The following NFILZ variants were observed in gnomAD, a reference collection of about 807,000 sequenced individuals.
NFILZ encodes the protein NFIL3 like protein.
In NFILZ at chr19:8,658,664, T is replaced by TATTC. The variant is rs112446704; in HGVS notation, c.-163-15857_-163-15854dup. 8.7e-3 allele frequency among the ~76,000 whole-genome samples: 1,312 copies of TATTC among 151,092 alleles called. 11 individuals carry two copies. The highest frequency in any genetic ancestry group is 0.028 in the Middle Eastern group (8 of 288). The stretch of plus-strand genomic sequence containing the variant: ...AGAGTCTGGGGTGATGAGAGGATTC[T>TATTC]ATTCATTCATTCATTCATTCATTCA... On this transcript the variant is annotated intron_variant, in intron 3 of 5. Coordinates refer to ENST00000691075, the MANE Select transcript of NFILZ (RefSeq NM_001378600.1).
intron 3 of NFILZ, among the ~76,000 whole-genome samples, chr19:8,646,316 C>T (rs769707230): frequency 3.3e-5 from 5 of 152,166 alleles, no homozygotes; most frequent in Non-Finnish European, 5.9e-5. Flanking sequence ...GGATTACAGG[C>T]GTGAGGCACT....
In NFILZ at chr19:8,680,764, C is replaced by T. The variant is rs183941562; in HGVS notation, c.*3129C>T. ...TTGAAATAGGGGGATCTCAGCCTTG[C>T]TGAGAAAGTGACATTTGAACAGAGA... is the stretch of plus-strand genomic sequence containing the variant. On this transcript the variant is annotated 3_prime_UTR_variant, in exon 6 of 6. Transcript: ENST00000691075. 6.6e-6 allele frequency among the ~76,000 whole-genome samples: 1 copy of T among 152,188 alleles called. No individual in the cohort carries two copies. The highest frequency in any genetic ancestry group is 1.9e-4 in the East Asian group (1 of 5,174).
chr19:8,663,787 T>TGTGTGTGTGTATG (rs2043048906), intron 3 of NFILZ, among the ~76,000 whole-genome samples: 1 of 148,740 alleles, frequency 6.7e-6, no homozygotes, highest in African/African-American at 2.5e-5. Context: ...TGTGTGTTTG[T>TGTGTGTGTGTATG]TGTGGGGGGG....
At chr19:8,651,330 T>A (rs2042964022) in intron 3 of NFILZ, among the ~76,000 whole-genome samples, 1 of 151,840 alleles carries the variant, frequency 6.6e-6, no homozygotes, top group African/African-American at 2.4e-5. Flanking sequence ...CCCAGCTAAT[T>A]TTTGCATTTT....
At chr19:8,668,189 G>T (rs140280885) in intron 3 of NFILZ, among the ~76,000 whole-genome samples, 2,118 of 152,228 alleles carry the variant, frequency 0.014, 48 homozygotes, top group African/African-American at 0.048. Context: ...GGCCTCAAGT[G>T]ATCTGCCTGC....
chr19:8,654,823 C>T (rs1211165390), intron 3 of NFILZ, among the ~76,000 whole-genome samples: 1 of 152,124 alleles, frequency 6.6e-6, no homozygotes, highest in Non-Finnish European at 1.5e-5. Flanking sequence ...CACCTCAGGA[C>T]GTCTCCTTTT....
At chr19:8,647,067 G>C (rs907767033) in intron 3 of NFILZ, among the ~76,000 whole-genome samples, 7 of 152,170 alleles carry the variant, frequency 4.6e-5, no homozygotes, top group Non-Finnish European at 7.3e-5. Flanking sequence ...ATAAGTTTGG[G>C]TGAGGATCAG....
intron 3 of NFILZ, among the ~76,000 whole-genome samples, chr19:8,635,948 T>C (rs1183416268): frequency 1.3e-5 from 2 of 152,114 alleles, no homozygotes; most frequent in African/African-American, 4.8e-5. Flanking sequence ...GCTATTTTCC[T>C]GTCTCAGCCT....
chr19:8,656,405 CTCTCTGAAACCCA>C lies in NFILZ; in HGVS notation c.-163-18145_-163-18133del, dbSNP rs2042999334. 3.6e-3 allele frequency among the ~76,000 whole-genome samples: 362 copies of C among 100,954 alleles called. 7 individuals are homozygous for C. The highest frequency in any genetic ancestry group is 0.015 in the East Asian group (52 of 3,410). The allele number at this position is 100,954 out of a possible 152,430, so 66.2% of individuals were successfully genotyped here. On this transcript the variant is annotated intron_variant, in intron 3 of 5. Coordinates refer to ENST00000691075, the MANE Select transcript of NFILZ (RefSeq NM_001378600.1). Reference sequence around the variant, plus strand: ...CCCACCTTCTCCCGCAGCCCACCTTCTCTCTGAAACCCACCTCTTTCCGCAGCCCACCTTCTCC... The same window carrying C: ...CCCACCTTCTCCCGCAGCCCACCTTCCCTCTTTCCGCAGCCCACCTTCTCC...
At chr19:8,663,744 G>GCA (rs2043046319) in intron 3 of NFILZ, among the ~76,000 whole-genome samples, 19 of 121,822 alleles carry the variant, frequency 1.6e-4, no homozygotes, top group Admixed American at 7.9e-4. Flanking sequence ...GTGTGTGTGT[G>GCA]TGTGTGTGTG....
chr19:8,657,286 A>G (rs1390945244), intron 3 of NFILZ, among the ~76,000 whole-genome samples: 1 of 149,642 alleles, frequency 6.7e-6, no homozygotes, highest in Non-Finnish European at 1.5e-5. Context: ...TTTTTTTTGT[A>G]GAGAGGGGGG....
In NFILZ at chr19:8,679,902, A is replaced by G. The variant is rs576566036; in HGVS notation, c.*2267A>G. ...CTGGACTGTTTTATCTTCATAAATA[A>G]TGTGAATCCTGGAGGGCAAGGTGGC... On this transcript the variant is annotated 3_prime_UTR_variant, in exon 6 of 6. Coordinates refer to ENST00000691075, the MANE Select transcript of NFILZ (RefSeq NM_001378600.1). Among the ~76,000 whole-genome samples, 12 of 152,286 alleles carry G rather than the reference A, an allele frequency of 7.9e-5. No homozygotes were observed. In the East Asian group the frequency reaches 2.3e-3, roughly 29 times the overall value.
At chr19:8,658,418 C>G (rs572975610) in intron 3 of NFILZ, among the ~76,000 whole-genome samples, 7 of 152,204 alleles carry the variant, frequency 4.6e-5, no homozygotes, top group African/African-American at 1.7e-4. Context: ...AGTAGGGGCA[C>G]CTGGTCTCTA....
intron 3 of NFILZ, among the ~76,000 whole-genome samples, chr19:8,656,425 T>C (rs527924076): frequency 0.063 from 1,298 of 20,766 alleles, 51 homozygotes; most frequent in Non-Finnish European, 0.072. Flanking sequence ...CCCACCTCTT[T>C]CCGCAGCCCA....
At position 8,652,980 on chromosome 19, in the gene NFILZ, C is replaced by T. The variant is rs1600145467; in HGVS notation, c.-164+17234C>T. ...TTTCCCTTCCTTCCCTCCTTCCTTC[C>T]TTCCTTCCTTCCTTCCTTCCTTCCT... On this transcript the variant is annotated intron_variant, in intron 3 of 5. Transcript: ENST00000691075. 1.6e-3 allele frequency among the ~76,000 whole-genome samples: 134 copies of T among 86,358 alleles called. 1 individual carries two copies. Among genetic ancestry groups the T allele is most frequent in the East Asian group, 0.012 (25 of 2,022 alleles). 56.7% of individuals were successfully genotyped at this position (86,358 alleles called of 152,430 possible).
intron 3 of NFILZ, among the ~76,000 whole-genome samples, chr19:8,673,045 G>A (rs1188190781): frequency 2.0e-5 from 3 of 152,124 alleles, no homozygotes; most frequent in African/African-American, 4.8e-5. Flanking sequence ...ACTGGAGAGA[G>A]GGGTGGATGC....
chr19:8,641,633 C>G (rs968757355), intron 3 of NFILZ, among the ~76,000 whole-genome samples: 3 of 152,172 alleles, frequency 2.0e-5, no homozygotes, highest in African/African-American at 4.8e-5. Context: ...GTTATGAAGA[C>G]ACTTCATGAC....
At chr19:8,667,096 G>T (rs1010557203) in intron 3 of NFILZ, among the ~76,000 whole-genome samples, 11 of 151,978 alleles carry the variant, frequency 7.2e-5, no homozygotes, top group African/African-American at 1.9e-4. Context: ...CCTGTCAGGG[G>T]ATGGAAGCCC....
rs73505721 is a variant in NFILZ at position 8,666,458 on chromosome 19, C to T, written c.-163-8093C>T. Among the ~76,000 whole-genome samples, 411 of 151,698 alleles carry T rather than the reference C, an allele frequency of 2.7e-3. 2 individuals carry two copies. Among genetic ancestry groups the T allele is most frequent in the African/African-American group, 9.2e-3 (379 of 41,348 alleles). ...CCCAAAGTGTGAGATGACAGGTGTG[C>T]GCCACCGTGCCCAGCCTATGCCAGG... On this transcript the variant is annotated intron_variant, in intron 3 of 5. Transcript: ENST00000691075.
Sources: gnomAD v4.1 joint callset for allele counts (sites outside exome capture counted in the v4.1 genomes callset) on GRCh38, gnomAD v4.1.1 for gene constraint, MANE v1.5 for transcripts, NCBI Gene and HGNC (gene_info 2026-07-23, HGNC 2026-07-21) for gene names.